Variants in DLG2 observed in about 807,000 individuals in gnomAD.
DLG2 encodes the protein disks large homolog 2.
Under a neutral mutation model 132.5 loss-of-function variants are expected in DLG2, and 45 were observed. The observed-to-expected ratio is 0.34, with a 90% confidence interval of 0.27 to 0.44. The LOEUF is 0.44. Ranked by LOEUF, DLG2 falls within the 20% of genes least tolerant of loss-of-function variation. The pLI is 1.00. For missense variants in DLG2, 1,045 were observed against 1,196.9 expected (o/e 0.87, Z 1.87); for synonymous variants, 424 against 419.6 (o/e 1.01, Z -0.13).
At chr11:83,497,237 T>G (rs911191314) in intron 21 of DLG2, among the ~76,000 whole-genome samples, 7 of 151,902 alleles carry the variant, frequency 4.6e-5, no homozygotes, top group African/African-American at 1.5e-4. Flanking sequence ...GGGGGAGAAG[T>G]AATGGAAGAA....
At chr11:83,960,275 T>C (rs1032112056) in intron 14 of DLG2, among the ~76,000 whole-genome samples, 1 of 152,082 alleles carries the variant, frequency 6.6e-6, no homozygotes, top group African/African-American at 2.4e-5. Context: ...CATTTAGCAG[T>C]ATTTCCTAAG....
chr11:85,522,369 G>C (rs1223441975), intron 3 of DLG2, among the ~76,000 whole-genome samples: 1 of 152,210 alleles, frequency 6.6e-6, no homozygotes, highest in African/African-American at 2.4e-5. Flanking sequence ...TCTGCTGCCA[G>C]GGTGGGGCCC....
intron 7 of DLG2, among the ~76,000 whole-genome samples, chr11:84,494,112 C>A (rs970070061): frequency 6.6e-6 from 1 of 152,102 alleles, no homozygotes; most frequent in Admixed American, 6.6e-5. Flanking sequence ...GTTTCAATAC[C>A]CATCATTAAA....
At chr11:83,565,926 C>T (rs1301384872) in intron 19 of DLG2, among the ~76,000 whole-genome samples, 1 of 152,164 alleles carries the variant, frequency 6.6e-6, no homozygotes, top group Non-Finnish European at 1.5e-5. Flanking sequence ...TTTCTGTATG[C>T]CATATTGCAG....
chr11:85,100,400 T>A (rs534190971), intron 6 of DLG2, among the ~76,000 whole-genome samples: 4 of 152,312 alleles, frequency 2.6e-5, no homozygotes, highest in African/African-American at 9.6e-5. Flanking sequence ...GTAATTATTT[T>A]TATTTCATAA....
intron 7 of DLG2, among the ~76,000 whole-genome samples, chr11:84,376,547 T>C (rs1289412275): frequency 6.6e-6 from 1 of 151,946 alleles, no homozygotes; most frequent in African/African-American, 2.4e-5. Flanking sequence ...ACTTATATTC[T>C]AGAAAAAGCC....
chr11:85,039,236 C>T (rs1319773169), intron 6 of DLG2, among the ~76,000 whole-genome samples: 1 of 151,708 alleles, frequency 6.6e-6, no homozygotes, highest in Non-Finnish European at 1.5e-5. Flanking sequence ...CCCCCTCCAA[C>T]TTTAGAGACA....
At chr11:83,644,990 T>C (rs534627233) in intron 18 of DLG2, among the ~76,000 whole-genome samples, 3 of 152,274 alleles carry the variant, frequency 2.0e-5, no homozygotes, top group East Asian at 1.9e-4. Flanking sequence ...CCCAGTATTA[T>C]GATGGAAAAC....
At chr11:85,551,360 T>C (rs1358652720) in intron 3 of DLG2, among the ~76,000 whole-genome samples, 4 of 152,164 alleles carry the variant, frequency 2.6e-5, no homozygotes, top group African/African-American at 9.7e-5. Context: ...GTAGGTGCCA[T>C]CACTTTCTAA....
At chr11:84,369,821 T>C (rs987386580) in intron 7 of DLG2, among the ~76,000 whole-genome samples, 5 of 152,158 alleles carry the variant, frequency 3.3e-5, no homozygotes, top group African/African-American at 9.7e-5. Flanking sequence ...ATATGAAATA[T>C]GTATTGAGTG....
intron 6 of DLG2, among the ~76,000 whole-genome samples, chr11:85,054,040 G>A (rs1236191076): frequency 1.3e-5 from 2 of 151,988 alleles, no homozygotes; most frequent in Non-Finnish European, 2.9e-5. Context: ...GCTGAGGCGG[G>A]TGGATCACAA....
chr11:85,206,293 T>C (rs1037689302), intron 4 of DLG2, among the ~76,000 whole-genome samples: 8 of 152,144 alleles, frequency 5.3e-5, no homozygotes, highest in African/African-American at 1.9e-4. Flanking sequence ...ATTTTCTTTA[T>C]AAATTACTCA....
chr11:83,778,143 T>G (rs902335931), intron 18 of DLG2, among the ~76,000 whole-genome samples: 1 of 83,802 alleles, frequency 1.2e-5, no homozygotes, highest in Non-Finnish European at 2.2e-5. Flanking sequence ...AAAGCTGTCT[T>G]GCTTTATAGT....
At chr11:85,319,205 CA>C (rs2080886925) in intron 3 of DLG2, among the ~76,000 whole-genome samples, 1 of 151,750 alleles carries the variant, frequency 6.6e-6, no homozygotes. Flanking sequence ...TCTCAAACCA[CA>C]AAGACTTATA....
At chr11:84,572,047 ATT>A (rs200865895) in intron 6 of DLG2, among the ~76,000 whole-genome samples, 47 of 146,884 alleles carry the variant, frequency 3.2e-4, no homozygotes, top group African/African-American at 1.0e-3. Context: ...TGGATTCTAG[ATT>A]TTTTTTTTTT....
At chr11:83,763,516 C>T (rs1365521969) in intron 18 of DLG2, among the ~76,000 whole-genome samples, 3 of 152,152 alleles carry the variant, frequency 2.0e-5, no homozygotes, top group Non-Finnish European at 4.4e-5. Context: ...ATCATAAATG[C>T]ATAGAAAAAC....
intron 2 of DLG2, among the ~76,000 whole-genome samples, chr11:85,621,950 T>C (rs2081735768): frequency 6.6e-6 from 1 of 152,176 alleles, no homozygotes; most frequent in Non-Finnish European, 1.5e-5. Context: ...TACAGAGAAA[T>C]CTCTCATAAA....
chr11:84,831,347 T>C (rs58823490), intron 6 of DLG2, among the ~76,000 whole-genome samples: 3,332 of 151,666 alleles, frequency 0.022, 119 homozygotes, highest in African/African-American at 0.076. Flanking sequence ...CCTCCTCCAA[T>C]GTGAACAGTA....
chr11:84,124,780 T>G (rs76450222), intron 9 of DLG2, among the ~76,000 whole-genome samples: 1 of 151,994 alleles, frequency 6.6e-6, no homozygotes, highest in African/African-American at 2.4e-5. Flanking sequence ...GGCACTTAAA[T>G]AGTGCCAACA....
Sources: gnomAD v4.1 joint callset for allele counts (sites outside exome capture counted in the v4.1 genomes callset) on GRCh38, gnomAD v4.1.1 for gene constraint, MANE v1.5 for transcripts, NCBI Gene and HGNC (gene_info 2026-07-23, HGNC 2026-07-21) for gene names.